BLK: variants seen among roughly 807,000 people sequenced by gnomAD.
BLK encodes BLK proto-oncogene, Src family tyrosine kinase.
In BLK, 64 loss-of-function variants were observed where a neutral mutation model predicts 61.8. That is an observed-to-expected ratio of 1.03 (90% CI 0.85 to 1.27). The LOEUF (loss-of-function observed/expected upper bound fraction) is 1.27, where lower values mean the gene tolerates loss of function less well. BLK is among the 50% of genes most tolerant of loss of function. BLK has a pLI of 0.00. For synonymous variants in BLK, 351 were observed against 272.0 expected (o/e 1.29, Z -2.86); for missense variants, 853 against 660.5 (o/e 1.29, Z -3.19).
At chr8:11,504,359 GGAAGGAAGAAAGA>G (rs1290122612) in intron 1 of BLK, among the ~76,000 whole-genome samples, 24 of 100,356 alleles carry the variant, frequency 2.4e-4, no homozygotes, top group Non-Finnish European at 3.9e-4. Flanking sequence ...AAGGAAGGAA[GGAAGGAAGAAAGA>G]AAAGAAAAGA....
intron 1 of BLK, among the ~76,000 whole-genome samples, chr8:11,503,785 G>T (rs1375396732): frequency 6.6e-6 from 1 of 152,186 alleles, no homozygotes; most frequent in Non-Finnish European, 1.5e-5. Flanking sequence ...CCTCACCTCT[G>T]CTGAGGCTGC....
chr8:11,521,677 T>C (rs896554349), intron 1 of BLK, among the ~76,000 whole-genome samples: 3 of 152,192 alleles, frequency 2.0e-5, no homozygotes, highest in African/African-American at 7.2e-5. Context: ...AAAAAAGTTT[T>C]CTCAGCCTCA....
At position 11,561,428 on chromosome 8, in the gene BLK, G is replaced by C. The variant is rs940498822; in HGVS notation, c.1156G>C (p.Asp386His). 2 of 1,613,894 alleles carry C rather than the reference G, an allele frequency of 1.2e-6. No homozygotes were observed. The highest frequency in any genetic ancestry group is 2.2e-5 in the South Asian group (2 of 91,016). ...TGATTTTGGCTTGGCTCGAATCATC[G>C]ACAGTGAATACACGGCCCAAGAGGG... ...IADFGLARII[D>H]SEYTAQEGAK... The change falls in exon 11 of 13, where the codon GAC (aspartate) becomes CAC (histidine). Residue 386 changes from aspartate to histidine, a missense_variant. By Grantham distance (81) the Asp-to-His change is moderately conservative (BLOSUM62 -1). Coordinates refer to ENST00000259089, the MANE Select transcript of BLK (RefSeq NM_001715.3).
intron 1 of BLK, among the ~76,000 whole-genome samples, chr8:11,525,262 G>C (rs1357765075): frequency 6.6e-6 from 1 of 152,194 alleles, no homozygotes; most frequent in African/African-American, 2.4e-5. Flanking sequence ...GACAACATGA[G>C]TTTATTACTT....
At chr8:11,511,441 T>TAA (rs554410944) in intron 1 of BLK, among the ~76,000 whole-genome samples, 26 of 151,002 alleles carry the variant, frequency 1.7e-4, no homozygotes, top group South Asian at 8.4e-4. Context: ...CTTAAAGTAT[T>TAA]AAAAAAAAAA....
In BLK at chr8:11,554,409, A is replaced by C. The variant is rs1460573429; in HGVS notation, c.473-334A>C. On this transcript the variant is annotated intron_variant, in intron 6 of 12. Coordinates refer to ENST00000259089, the MANE Select transcript of BLK (RefSeq NM_001715.3). ...ACGAGACTAGATTTCTCAATAGTCC[A>C]TGACAAAGGGTCCCCGAGTGACCAG... 2.0e-5 allele frequency among the ~76,000 whole-genome samples: 3 copies of C among 152,154 alleles called. No individual in the cohort carries two copies. In the East Asian group the frequency reaches 5.8e-4, roughly 29 times the overall value.
intron 9 of BLK, among the ~76,000 whole-genome samples, chr8:11,557,129 G>A (rs886802114): frequency 6.6e-6 from 1 of 152,148 alleles, no homozygotes; most frequent in Non-Finnish European, 1.5e-5. Flanking sequence ...CTGCTGGGAG[G>A]GACAGAGCAT....
intron 1 of BLK, among the ~76,000 whole-genome samples, chr8:11,514,936 C>G (rs1424737120): frequency 6.6e-6 from 1 of 152,116 alleles, no homozygotes; most frequent in South Asian, 2.1e-4. Flanking sequence ...GACCTCAGCC[C>G]CCTCCCCTTC....
Position 11,522,952 on chromosome 8 carries a change from A to G in BLK, c.-1-20272A>G, listed in dbSNP as rs556196090. 1.9e-4 allele frequency among the ~76,000 whole-genome samples: 29 copies of G among 152,342 alleles called. No individual in the cohort carries two copies. The South Asian group carries it at 6.0e-3, about 32-fold the overall frequency. ...AAAATAATGACCAATCTTTAGTTGTATCTTCATATCTGGAACATAAAAAGA... is the reference window on the plus strand; with the variant it reads ...AAAATAATGACCAATCTTTAGTTGTGTCTTCATATCTGGAACATAAAAAGA... On this transcript the variant is annotated intron_variant, in intron 1 of 12. Transcript: ENST00000259089.
chr8:11,552,784 G>C (rs923500436), intron 6 of BLK: 2 of 152,234 alleles, frequency 1.3e-5, no homozygotes, highest in African/African-American at 4.8e-5. Context: ...TATGAGTCTG[G>C]CATCTTTTCC....
At chr8:11,546,617 C>T (rs1800658079) in intron 3 of BLK, among the ~76,000 whole-genome samples, 1 of 152,120 alleles carries the variant, frequency 6.6e-6, no homozygotes, top group Non-Finnish European at 1.5e-5. Flanking sequence ...CTCTTGTCAC[C>T]CAGGCTGCAG....
intron 10 of BLK, chr8:11,560,029 C>G (rs968135904): frequency 8.5e-6 from 3 of 354,282 alleles, no homozygotes; most frequent in Non-Finnish European, 1.7e-5. Context: ...AGATGCTGCC[C>G]AGATATATTT....
chr8:11,533,548 C>G (rs149650221), intron 1 of BLK, among the ~76,000 whole-genome samples: 86 of 149,716 alleles, frequency 5.7e-4, no homozygotes, highest in African/African-American at 2.1e-3. Flanking sequence ...TGGCTCAAAT[C>G]TCTCTTCTGT....
chr8:11,535,217 G>GAA (rs879785014), intron 1 of BLK, among the ~76,000 whole-genome samples: 17,569 of 98,592 alleles, frequency 0.18, 1,522 homozygotes, highest in South Asian at 0.27. Flanking sequence ...GAAAGAAAGA[G>GAA]AGAGAAAGAA....
At chr8:11,524,094 T>G (rs1799557049) in intron 1 of BLK, among the ~76,000 whole-genome samples, 1 of 152,192 alleles carries the variant, frequency 6.6e-6, no homozygotes, top group African/African-American at 2.4e-5. Context: ...AGCCAAAAGT[T>G]GAAAATAACT....
chr8:11,552,177 G>C (rs1800935690), intron 6 of BLK, among the ~76,000 whole-genome samples: 2 of 152,182 alleles, frequency 1.3e-5, no homozygotes, highest in Non-Finnish European at 2.9e-5. Flanking sequence ...TCCATCTGTG[G>C]CTCAAGAACA....
intron 1 of BLK, among the ~76,000 whole-genome samples, chr8:11,510,370 T>C (rs932000967): frequency 3.3e-5 from 5 of 152,102 alleles, no homozygotes; most frequent in African/African-American, 1.2e-4. Flanking sequence ...CTCTGTGAAA[T>C]GAAATGACTC....
At chr8:11,555,992 C>G (rs181168426) in intron 8 of BLK, 4 of 285,106 alleles carry the variant, frequency 1.4e-5, no homozygotes, top group Admixed American at 1.4e-4. Context: ...ATATAAAACT[C>G]GTGTTCCGTT....
chr8:11,520,268 G>C (rs1338650039), intron 1 of BLK, among the ~76,000 whole-genome samples: 1 of 151,996 alleles, frequency 6.6e-6, no homozygotes. Context: ...CTTGAGCCCA[G>C]GACTTCGAGA....
Sources: allele counts gnomAD v4.1 joint callset (sites outside exome capture counted in the v4.1 genomes callset), GRCh38; gene constraint gnomAD v4.1.1; transcripts MANE v1.5; gene names NCBI Gene and HGNC (gene_info 2026-07-23, HGNC 2026-07-21).